Variants in PDE7B observed in about 807,000 individuals in gnomAD.
PDE7B encodes the protein phosphodiesterase 7B.
A neutral mutation model predicts 56.2 loss-of-function variants in PDE7B; 29 were observed. The ratio of observed to expected loss-of-function variants is 0.52; its 90% confidence interval spans 0.38 to 0.70. The LOEUF is 0.70. Among genes scored for constraint, PDE7B ranks in the 30% least tolerant of loss-of-function variants. The pLI, the probability that PDE7B is intolerant of heterozygous loss-of-function variation, is 0.00. For synonymous variants in PDE7B, 197 were observed against 196.9 expected (o/e 1.00, Z 0.00); for missense variants, 490 against 565.0 (o/e 0.87, Z 1.35).
intron 2 of PDE7B, among the ~76,000 whole-genome samples, chr6:136,008,176 C>G (rs9389357): frequency 2.6e-5 from 4 of 151,506 alleles, no homozygotes; most frequent in African/African-American, 9.7e-5. Flanking sequence ...TCATTTTTTA[C>G]GGCTGCATAG....
intron 2 of PDE7B, among the ~76,000 whole-genome samples, chr6:136,101,124 G>A (rs762782275): frequency 5.7e-4 from 86 of 152,132 alleles, no homozygotes; most frequent in Non-Finnish European, 8.7e-4. Flanking sequence ...CGACTTGATC[G>A]TGGTGGATAA....
chr6:136,055,799 A>G (rs572547296), intron 2 of PDE7B, among the ~76,000 whole-genome samples: 86 of 152,300 alleles, frequency 5.6e-4, no homozygotes, highest in Middle Eastern at 3.4e-3. Context: ...AGGGCTGCCC[A>G]TGTGGCATGG....
chr6:135,993,202 G>A (rs1775504783), intron 2 of PDE7B: 1 of 152,204 alleles, frequency 6.6e-6, no homozygotes, highest in Non-Finnish European at 1.5e-5. Context: ...GAGAGGTGAA[G>A]GCTATCCTGA....
intron 2 of PDE7B, among the ~76,000 whole-genome samples, chr6:135,996,542 C>T (rs1375242309): frequency 6.6e-6 from 1 of 152,192 alleles, no homozygotes; most frequent in East Asian, 1.9e-4. Flanking sequence ...AGATTTTTAT[C>T]AATATAGAAC....
chr6:136,001,117 C>T (rs1040865042), intron 2 of PDE7B, among the ~76,000 whole-genome samples: 3 of 152,286 alleles, frequency 2.0e-5, no homozygotes. Context: ...TAGCAAACTC[C>T]AACAGACCTG....
In PDE7B at chr6:136,181,284, C is replaced by A. The variant is rs1413060107; in HGVS notation, c.1006C>A (p.Gln336Lys). Residue 336 changes from glutamine (Q) to lysine (K), a missense_variant, in exon 11 of 13, where the codon CAG (glutamine) becomes AAG (lysine). Physicochemically the swap from Gln to Lys is moderately conservative, Grantham distance 53 (BLOSUM62 1). Transcript: ENST00000308191. Reference sequence around the variant, plus strand: ...TTGTAGAATCTGGGAGATGAGCAAGCAGTGGAGTGAAAGGGTCTGTGAAGA... The same window carrying A: ...TTGTAGAATCTGGGAGATGAGCAAGAAGTGGAGTGAAAGGGTCTGTGAAGA... The part of the protein sequence containing the change: ...NPCRIWEMSK[Q>K]WSERVCEEFY... 6.2e-7 allele frequency: 1 copy of A among 1,613,264 alleles called. No individual in the cohort carries two copies. The highest frequency in any genetic ancestry group is 1.3e-5 in the African/African-American group (1 of 74,902).
At chr6:136,128,540 G>A (rs1275704669) in intron 3 of PDE7B, among the ~76,000 whole-genome samples, 2 of 151,958 alleles carry the variant, frequency 1.3e-5, no homozygotes, top group Non-Finnish European at 2.9e-5. Flanking sequence ...TGGTTATTTT[G>A]TTGTGAGAAC....
intron 1 of PDE7B, among the ~76,000 whole-genome samples, chr6:135,935,052 T>TAGAG (rs71547032): frequency 2.2e-5 from 1 of 44,480 alleles, no homozygotes; most frequent in East Asian, 8.2e-4. Context: ...ATATTTTATA[T>TAGAG]AGAGATGAAG....
chr6:135,940,693 T>G (rs1263868169), intron 1 of PDE7B, among the ~76,000 whole-genome samples: 2 of 152,194 alleles, frequency 1.3e-5, no homozygotes, highest in African/African-American at 4.8e-5. Flanking sequence ...ACCCAGATGT[T>G]TGGAAATGTC....
chr6:135,891,686 C>T (rs913511015), intron 1 of PDE7B, among the ~76,000 whole-genome samples: 4 of 152,138 alleles, frequency 2.6e-5, no homozygotes, highest in South Asian at 4.1e-4. Context: ...GAAACCTAGG[C>T]ATATGAATTT....
At chr6:136,126,949 A>C (rs1380002147) in intron 3 of PDE7B, among the ~76,000 whole-genome samples, 2 of 152,218 alleles carry the variant, frequency 1.3e-5, no homozygotes, top group East Asian at 1.9e-4. Context: ...AACCTATGGA[A>C]ATAAAAATTT....
chr6:135,887,468 A>G (rs1562425528), intron 1 of PDE7B, among the ~76,000 whole-genome samples: 1 of 152,170 alleles, frequency 6.6e-6, no homozygotes. Flanking sequence ...ATATGAAAGG[A>G]TCTGCTTAAA....
chr6:136,016,464 C>T (rs1775979149), intron 2 of PDE7B, among the ~76,000 whole-genome samples: 1 of 152,164 alleles, frequency 6.6e-6, no homozygotes, highest in African/African-American at 2.4e-5. Flanking sequence ...AATAAGCGCT[C>T]GATAAATATT....
chr6:136,095,203 T>C lies in PDE7B; in HGVS notation c.83-13528T>C, dbSNP rs55678697. On this transcript the variant is annotated intron_variant, in intron 2 of 12. Transcript: ENST00000308191. Reference sequence around the variant, plus strand: ...AACACCCTTTAATTCACATAATGTTTAATTGCTTATCAAATAATGTTCTTC... The same window carrying C: ...AACACCCTTTAATTCACATAATGTTCAATTGCTTATCAAATAATGTTCTTC... Among the ~76,000 whole-genome samples the C allele has an allele frequency of 7.5e-3, 1,148 of 152,318 alleles. 4 individuals carry two copies. Among genetic ancestry groups the C allele is most frequent in the Middle Eastern group, 0.01 (3 of 294 alleles).
chr6:135,875,026 T>C (rs998496176), intron 1 of PDE7B, among the ~76,000 whole-genome samples: 3 of 152,042 alleles, frequency 2.0e-5, no homozygotes, highest in Non-Finnish European at 2.9e-5. Context: ...AATATTCTAA[T>C]ATTAAAAGCT....
At chr6:136,086,292 A>T (rs1345996291) in intron 2 of PDE7B, among the ~76,000 whole-genome samples, 1 of 151,930 alleles carries the variant, frequency 6.6e-6, no homozygotes, top group East Asian at 1.9e-4. Context: ...ATCCCTTTCC[A>T]GTTCCATTGT....
At chr6:135,955,309 C>T (rs1478159216) in intron 2 of PDE7B, among the ~76,000 whole-genome samples, 1 of 151,854 alleles carries the variant, frequency 6.6e-6, no homozygotes, top group Non-Finnish European at 1.5e-5. Flanking sequence ...GGAGTGGCAT[C>T]AGGAAAGACC....
intron 2 of PDE7B, among the ~76,000 whole-genome samples, chr6:136,052,401 G>T (rs1478756346): frequency 6.6e-6 from 1 of 152,324 alleles, no homozygotes; most frequent in East Asian, 1.9e-4. Flanking sequence ...TGGTACTGGA[G>T]AATGTCCTCC....
chr6:136,182,131 G>A (rs1779076776), intron 11 of PDE7B, among the ~76,000 whole-genome samples: 1 of 152,288 alleles, frequency 6.6e-6, no homozygotes, highest in African/African-American at 2.4e-5. Context: ...AGGTCAAATA[G>A]CAACAGTGAG....
Sources: gnomAD v4.1 joint callset for allele counts (sites outside exome capture counted in the v4.1 genomes callset) on GRCh38, gnomAD v4.1.1 for gene constraint, MANE v1.5 for transcripts, NCBI Gene and HGNC (gene_info 2026-07-23, HGNC 2026-07-21) for gene names.